The following METAP1D variants were observed in gnomAD, a reference collection of about 807,000 sequenced individuals.
METAP1D encodes the protein methionyl aminopeptidase type 1D, mitochondrial.
In METAP1D, 31 loss-of-function variants were observed where a neutral mutation model predicts 40.5. That is an observed-to-expected ratio of 0.77 (90% confidence interval 0.58 to 1.03). METAP1D has a LOEUF of 1.03. Ranked by LOEUF, METAP1D falls within the 50% of genes least tolerant of loss-of-function variation. The probability of loss-of-function intolerance (pLI) is 0.00; values close to 1 mark genes in which losing one functional copy is unlikely to be tolerated. For synonymous variants in METAP1D, 151 were observed against 146.4 expected, an observed-to-expected ratio of 1.03 and a Z score of -0.22; for missense variants, 411 against 420.7, an observed-to-expected ratio of 0.98 and a Z score of 0.20.
intron 2 of METAP1D, among the ~76,000 whole-genome samples, chr2:172,062,506 G>A (rs1210876573): frequency 1.3e-5 from 2 of 152,230 alleles, no homozygotes; most frequent in Non-Finnish European, 2.9e-5. Flanking sequence ...GAGGTGAATT[G>A]TATTGCTTTA....
At chr2:172,034,986 C>CTTTTTTTTTTTT (rs66853451) in intron 1 of METAP1D, among the ~76,000 whole-genome samples, 3 of 135,594 alleles carry the variant, frequency 2.2e-5, no homozygotes, top group African/African-American at 2.7e-5. Flanking sequence ...GAATTTTTTT[C>CTTTTTTTTTTTT]TTTTTTTTTT....
At chr2:172,058,289 A>G (rs1404557556) in intron 1 of METAP1D, among the ~76,000 whole-genome samples, 5 of 152,196 alleles carry the variant, frequency 3.3e-5, no homozygotes, top group Non-Finnish European at 7.4e-5. Flanking sequence ...TATCTTCTAA[A>G]TGCAAGACAC....
intron 6 of METAP1D, 50 bp from the exon 7 acceptor site, chr2:172,077,747 C>A: frequency 3.5e-6 from 3 of 861,264 alleles, no homozygotes; most frequent in Non-Finnish European, 1.8e-6. Context: ...TCTTAGTATG[C>A]CTGAAAAACT....
chr2:172,038,684 C>T (rs1003349323), intron 1 of METAP1D, among the ~76,000 whole-genome samples: 6 of 152,032 alleles, frequency 3.9e-5, no homozygotes, highest in Non-Finnish European at 5.9e-5. Flanking sequence ...CAGACTTGTG[C>T]GGCAAAAGGA....
chr2:172,059,670 A>T lies in METAP1D; in HGVS notation c.41-1828A>T, dbSNP rs145833065. Among the ~76,000 whole-genome samples the T allele has an allele frequency of 6.5e-3, 989 of 152,352 alleles. 15 individuals are homozygous for T. The highest frequency in any genetic ancestry group is 0.048 in the East Asian group (251 of 5,194). On this transcript the variant is annotated intron_variant, in intron 1 of 9. Transcript: ENST00000315796. ...AAACCATTTTTAGGTTTTGTGCTGTATAAAAACAGTCAGCAGTCCAGATTT... is the reference window on the plus strand; with the variant it reads ...AAACCATTTTTAGGTTTTGTGCTGTTTAAAAACAGTCAGCAGTCCAGATTT...
intron 1 of METAP1D, among the ~76,000 whole-genome samples, chr2:172,034,986 C>CTTTTTTTTTTTTTTTTTTTTTTTT (rs66853451): frequency 1.5e-5 from 2 of 135,576 alleles, no homozygotes; most frequent in South Asian, 2.3e-4. Flanking sequence ...GAATTTTTTT[C>CTTTTTTTTTTTTTTTTTTTTTTTT]TTTTTTTTTT....
chr2:172,014,842 T>TG lies in METAP1D; in HGVS notation c.40+14837dup, dbSNP rs575701482. ...TATTTTTTTTTAGTTTTAGTAGAGA[T>TG]GGGGTTTCACCATGTTAGCCAGGAT... On this transcript the variant is annotated intron_variant, in intron 1 of 9. Transcript: ENST00000315796. Among the ~76,000 whole-genome samples the TG allele has an allele frequency of 1.7e-3, 260 of 151,798 alleles. 1 individual carries two copies. The highest frequency in any genetic ancestry group is 6.2e-3 in the African/African-American group (255 of 41,408).
At chr2:172,049,306 C>T (rs1215460897) in intron 1 of METAP1D, among the ~76,000 whole-genome samples, 1 of 151,352 alleles carries the variant, frequency 6.6e-6, no homozygotes, top group African/African-American at 2.4e-5. Context: ...CAAAAAGTAA[C>T]AGATAGTTGA....
chr2:172,044,424 A>ACC (rs1689687555), intron 1 of METAP1D, among the ~76,000 whole-genome samples: 5 of 94,768 alleles, frequency 5.3e-5, no homozygotes, highest in Non-Finnish European at 9.5e-5. Context: ...AAAAAAAAAA[A>ACC]AACCCAAAAC....
chr2:172,056,388 CA>C (rs1482566853), intron 1 of METAP1D, among the ~76,000 whole-genome samples: 2 of 152,218 alleles, frequency 1.3e-5, no homozygotes, highest in Admixed American at 6.5e-5. Flanking sequence ...TAGCTCTTAG[CA>C]GGACCAGGGG....
chr2:172,063,670 C>A, intron 2 of METAP1D, 41 bp from the exon 3 acceptor site: 1 of 1,487,314 alleles, frequency 6.7e-7, no homozygotes, highest in Non-Finnish European at 9.4e-7. Flanking sequence ...CATTGTCGTG[C>A]GCTGGGTTCT....
intron 1 of METAP1D, among the ~76,000 whole-genome samples, chr2:172,047,283 T>C (rs552493860): frequency 3.3e-5 from 5 of 152,218 alleles, no homozygotes; most frequent in Admixed American, 2.0e-4. Context: ...ATAAGGTTTG[T>C]TGAGCTCTGA....
rs558812843 is a variant in METAP1D, at chr2:172,068,876, C to G, written c.541-2031C>G. The stretch of plus-strand genomic sequence containing the variant: ...TTCCTTCGTTCCTCCCTTCCTCCCT[C>G]CCTTCCTCCCTTCCTTTCTTTTTCT... On this transcript the variant is annotated intron_variant, in intron 5 of 9. Transcript: ENST00000315796. Among the ~76,000 whole-genome samples the G allele has an allele frequency of 2.0e-5, 3 of 151,402 alleles. No individual in the cohort carries two copies. In the East Asian group the frequency reaches 5.8e-4, roughly 29 times the overall value.
intron 1 of METAP1D, among the ~76,000 whole-genome samples, chr2:172,020,560 C>G (rs966138773): frequency 6.6e-6 from 1 of 152,160 alleles, no homozygotes; most frequent in Non-Finnish European, 1.5e-5. Context: ...TTCACTAGTT[C>G]TAAAACTATT....
intron 1 of METAP1D, among the ~76,000 whole-genome samples, chr2:172,003,063 CA>C (rs1162994723): frequency 6.6e-6 from 1 of 152,032 alleles, no homozygotes; most frequent in Non-Finnish European, 1.5e-5. Flanking sequence ...GTACCTGGCT[CA>C]AAGTTAAGCT....
At position 172,035,147 on chromosome 2, in the gene METAP1D, G is replaced by GTTT. The variant is rs539548685; in HGVS notation, c.41-26343_41-26341dup. On this transcript the variant is annotated intron_variant, in intron 1 of 9. Coordinates refer to ENST00000315796, the MANE Select transcript of METAP1D (RefSeq NM_199227.3). The stretch of plus-strand genomic sequence containing the variant: ...AATACCTATGTAACTACTGTACTGT[G>GTTT]TTTTTTTTTTGTTTGTTTGTTTGTT... 6.9e-3 allele frequency among the ~76,000 whole-genome samples: 1,018 copies of GTTT among 147,736 alleles called. 9 individuals are homozygous for GTTT. The highest frequency in any genetic ancestry group is 0.019 in the African/African-American group (792 of 40,670).
intron 5 of METAP1D, among the ~76,000 whole-genome samples, chr2:172,069,453 C>G (rs986905583): frequency 1.3e-5 from 2 of 151,980 alleles, no homozygotes; most frequent in Non-Finnish European, 2.9e-5. Context: ...AATTTTTGAA[C>G]GAAATCAGCA....
rs1237064216 is a variant in METAP1D, at chr2:172,042,375, GTACATATA to G, written c.41-19099_41-19092del. ...TATATACATATGTATGTGTACATGT[GTACATATA>G]TACATATATACATATATACATATGT... On this transcript the variant is annotated intron_variant, in intron 1 of 9. Transcript: ENST00000315796. 9.8e-4 allele frequency among the ~76,000 whole-genome samples: 35 copies of G among 35,778 alleles called. 10 individuals carry two copies. The highest frequency in any genetic ancestry group is 2.2e-3 in the African/African-American group (19 of 8,460). 23.5% of individuals were successfully genotyped at this position (35,778 alleles called of 152,430 possible).
Position 172,000,019 on chromosome 2 carries a change from T to TGGA in METAP1D, c.40+15_40+17dup, listed in dbSNP as rs1688420238. ...CTGCTCGTCCGCAGAGGTAAGCGCG[T>TGGA]GGAGGAGAGCCCCGTGAGGGTTCGC... On this transcript the variant is annotated intron_variant, in intron 1 of 9. Coordinates refer to ENST00000315796, the MANE Select transcript of METAP1D (RefSeq NM_199227.3). 1 of 1,329,616 alleles carries TGGA rather than the reference T, an allele frequency of 7.5e-7. No individual in the cohort carries two copies. Among genetic ancestry groups the TGGA allele is most frequent in the Non-Finnish European group, 9.7e-7 (1 of 1,030,324 alleles). 82.4% of individuals were successfully genotyped at this position (1,329,616 alleles called of 1,614,324 possible). A position where few individuals can be genotyped will look rare whatever the true frequency, so the allele number is the denominator to read the frequency against.
Sources: allele counts gnomAD v4.1 joint callset (sites outside exome capture counted in the v4.1 genomes callset), GRCh38; gene constraint gnomAD v4.1.1; transcripts MANE v1.5; gene names NCBI Gene and HGNC (gene_info 2026-07-23, HGNC 2026-07-21).